The following MINDY3 variants were observed in gnomAD, a reference collection of about 807,000 sequenced individuals.
MINDY3 encodes the protein ubiquitin carboxyl-terminal hydrolase MINDY-3.
A neutral mutation model predicts 69.2 loss-of-function variants in MINDY3; 38 were observed. The ratio of observed to expected loss-of-function variants is 0.55; its 90% CI spans 0.42 to 0.72. The LOEUF is 0.72. Ranked by LOEUF, MINDY3 falls within the 30% of genes least tolerant of loss-of-function variation. The pLI is 0.00. For synonymous variants in MINDY3, 192 were observed against 180.1 expected (o/e 1.07, Z -0.53); for missense variants, 522 against 519.0 (o/e 1.01, Z -0.06).
intron 10 of MINDY3, 98 bp downstream of exon 10, chr10:15,816,737 T>C (rs1839396321): frequency 2.5e-6 from 2 of 803,826 alleles, no homozygotes; most frequent in Non-Finnish European, 2.1e-6. Context: ...GTTGTGGGAA[T>C]AGACTGAAGT....
intron 13 of MINDY3, among the ~76,000 whole-genome samples, chr10:15,785,192 G>A (rs1292939097): frequency 6.6e-6 from 1 of 152,152 alleles, no homozygotes; most frequent in African/African-American, 2.4e-5. Context: ...TACAGACAAT[G>A]AGACAAACCA....
intron 1 of MINDY3, among the ~76,000 whole-genome samples, chr10:15,854,372 A>G (rs1384667631): frequency 6.6e-6 from 1 of 152,086 alleles, no homozygotes; most frequent in Non-Finnish European, 1.5e-5. Flanking sequence ...TGGAGAAGCC[A>G]GTGTAGGAAT....
intron 8 of MINDY3, among the ~76,000 whole-genome samples, chr10:15,827,173 G>A (rs867027386): frequency 1.5e-3 from 99 of 67,988 alleles, no homozygotes; most frequent in Middle Eastern, 0.016. Flanking sequence ...GATATAACAG[G>A]AGTAAAAAAA....
chr10:15,812,380 T>C (rs1839065305), intron 10 of MINDY3, among the ~76,000 whole-genome samples: 1 of 152,250 alleles, frequency 6.6e-6, no homozygotes, highest in Admixed American at 6.5e-5. Context: ...ATTATCTTTT[T>C]ACCCCATACA....
At chr10:15,842,577 A>G (rs113369420) in intron 3 of MINDY3, among the ~76,000 whole-genome samples, 51 of 151,986 alleles carry the variant, frequency 3.4e-4, no homozygotes, top group African/African-American at 1.2e-3. Flanking sequence ...CATGGTTTGG[A>G]ATGTAAGCTG....
chr10:15,831,679 T>C (rs562073393), intron 8 of MINDY3, among the ~76,000 whole-genome samples: 131 of 149,146 alleles, frequency 8.8e-4, no homozygotes, highest in African/African-American at 2.8e-3. Flanking sequence ...TTTTCTTTTT[T>C]TTTTTTTTTT....
At chr10:15,785,117 C>T (rs1462951394) in intron 13 of MINDY3, among the ~76,000 whole-genome samples, 1 of 152,124 alleles carries the variant, frequency 6.6e-6, no homozygotes, top group Non-Finnish European at 1.5e-5. Flanking sequence ...ATACTGAGAA[C>T]TCACTGCTCT....
intron 2 of MINDY3, among the ~76,000 whole-genome samples, chr10:15,846,513 T>C (rs777527855): frequency 6.6e-6 from 1 of 152,078 alleles, no homozygotes; most frequent in Non-Finnish European, 1.5e-5. Flanking sequence ...GATTCAGACA[T>C]TCAAATTTTT....
intron 1 of MINDY3, among the ~76,000 whole-genome samples, chr10:15,858,630 C>T (rs914724642): frequency 6.6e-6 from 1 of 152,204 alleles, no homozygotes; most frequent in Non-Finnish European, 1.5e-5. Context: ...AGCTAAATCA[C>T]ATGAACCTGA....
At chr10:15,845,813 ATTTTTTTTTTTT>A (rs891710697) in intron 2 of MINDY3, among the ~76,000 whole-genome samples, 4 of 49,334 alleles carry the variant, frequency 8.1e-5, no homozygotes, top group East Asian at 5.7e-4. Flanking sequence ...GGCCTATGTG[ATTTTTTTTTTTT>A]TTTTTTTTTT....
At chr10:15,834,467 C>CA in intron 7 of MINDY3, 76 bp downstream of exon 7, 2 of 987,916 alleles carry the variant, frequency 2.0e-6, no homozygotes, top group East Asian at 4.8e-5. Context: ...TTACTTGACT[C>CA]AGTCATGTTT....
intron 1 of MINDY3, among the ~76,000 whole-genome samples, chr10:15,853,450 G>C (rs537834155): frequency 6.6e-6 from 1 of 151,370 alleles, no homozygotes; most frequent in South Asian, 2.1e-4. Flanking sequence ...AGCATACATC[G>C]AGACAGTAAC....
chr10:15,820,967 A>T (rs1268359943), intron 9 of MINDY3, among the ~76,000 whole-genome samples: 1 of 152,210 alleles, frequency 6.6e-6, no homozygotes, highest in Admixed American at 6.5e-5. Flanking sequence ...TTTTTTAATG[A>T]AAAAGAAAAC....
chr10:15,803,663 A>AGAT (rs1838419511), intron 10 of MINDY3, among the ~76,000 whole-genome samples: 1 of 152,154 alleles, frequency 6.6e-6, no homozygotes, highest in South Asian at 2.1e-4. Flanking sequence ...CAGGCTTAAT[A>AGAT]GATGGTAGAG....
chr10:15,856,778 T>C (rs1018492862), intron 1 of MINDY3, among the ~76,000 whole-genome samples: 2 of 152,222 alleles, frequency 1.3e-5, no homozygotes, highest in African/African-American at 2.4e-5. Context: ...TTTTTATTTA[T>C]ACAAGAAATA....
chr10:15,840,906 T>C (rs916357444), intron 4 of MINDY3, among the ~76,000 whole-genome samples: 8 of 151,652 alleles, frequency 5.3e-5, no homozygotes, highest in African/African-American at 1.9e-4. Context: ...CTTCAAGGTA[T>C]GAAAAACTTA....
At chr10:15,844,913 T>C (rs1833724065) in intron 2 of MINDY3, among the ~76,000 whole-genome samples, 1 of 152,210 alleles carries the variant, frequency 6.6e-6, no homozygotes, top group Non-Finnish European at 1.5e-5. Context: ...ATCCTGATTA[T>C]TTGGCTGTAA....
At chr10:15,795,177 T>A (rs1837718198) in intron 11 of MINDY3, among the ~76,000 whole-genome samples, 2 of 152,062 alleles carry the variant, frequency 1.3e-5, no homozygotes, top group African/African-American at 2.4e-5. Flanking sequence ...GCTTTCCACA[T>A]TATTCATTTA....
chr10:15,828,939 A>G (rs1326590362), intron 8 of MINDY3, among the ~76,000 whole-genome samples: 1 of 152,222 alleles, frequency 6.6e-6, no homozygotes, highest in African/African-American at 2.4e-5. Flanking sequence ...TCTAGGCTTC[A>G]GTTTCCTTCT....
Sources: gnomAD v4.1 joint callset for allele counts (sites outside exome capture counted in the v4.1 genomes callset) on GRCh38, gnomAD v4.1.1 for gene constraint, MANE v1.5 for transcripts, NCBI Gene and HGNC (gene_info 2026-07-23, HGNC 2026-07-21) for gene names.